CPS1: variants seen among roughly 807,000 people sequenced by gnomAD.
CPS1 encodes the protein carbamoyl-phosphate synthase [ammonia], mitochondrial.
Under a neutral mutation model 174.6 loss-of-function variants are expected in CPS1, and 109 were observed. The observed-to-expected ratio is 0.62, with a 90% confidence interval of 0.53 to 0.73. CPS1 has a LOEUF of 0.73. CPS1 is among the 30% of genes least tolerant of loss of function. The pLI is 0.00. For synonymous variants in CPS1, 637 were observed against 632.0 expected (o/e 1.01, Z -0.12); for missense variants, 1,689 against 1,821.9 (o/e 0.93, Z 1.33).
chr2:210,605,271 A>G (rs369636138), intron 17 of CPS1, 25 bp downstream of exon 17: 21 of 1,610,906 alleles, frequency 1.3e-5, no homozygotes, highest in Non-Finnish European at 1.8e-5. Context: ...TTCAAGAACT[A>G]TAGTAATGCT....
At chr2:210,482,249 G>A (rs1441519213) in intron 1 of CPS1, among the ~76,000 whole-genome samples, 3 of 151,948 alleles carry the variant, frequency 2.0e-5, no homozygotes, top group Non-Finnish European at 4.4e-5. Flanking sequence ...GGAGGTTTGG[G>A]TTGAATCTGC....
chr2:210,573,264 T>G, intron 1 of CPS1, 34 bp from the exon 2 acceptor site: 8 of 1,536,636 alleles, frequency 5.2e-6, no homozygotes, highest in African/African-American at 1.4e-5. Context: ...TTGTATTATG[T>G]ATTCTGCTAA....
At chr2:210,483,003 A>T (rs79797273) in intron 1 of CPS1, among the ~76,000 whole-genome samples, 1 of 152,226 alleles carries the variant, frequency 6.6e-6, no homozygotes, top group Admixed American at 6.5e-5. Context: ...AAACTTAAAC[A>T]TATTTTGCGC....
chr2:210,665,675 A>G (rs903158991), intron 33 of CPS1, among the ~76,000 whole-genome samples: 1 of 151,662 alleles, frequency 6.6e-6, no homozygotes, highest in Non-Finnish European at 1.5e-5. Flanking sequence ...TTATGGCTGC[A>G]TAGTATTCCA....
Position 210,677,025 on chromosome 2 carries a change from C to G in CPS1, c.4293C>G (p.Ser1431Arg). 6.2e-7 allele frequency: 1 copy of G among 1,613,526 alleles called. No homozygotes were observed. Among genetic ancestry groups the G allele is most frequent in the East Asian group, 2.2e-5 (1 of 44,856 alleles). ...SSIRKLIRDG[S>R]IDLVINLPNN... ...TTTCCAGATTGATTAGAGATGGCAG[C>G]ATTGACCTAGTGATTAACCTTCCCA... is the stretch of plus-strand genomic sequence containing the variant. The change falls in exon 37 of 38, where the codon AGC becomes AGG. Residue 1431 changes from serine (S) to arginine (R), a missense_variant. Physicochemically the swap from Ser to Arg is moderately radical, Grantham distance 110 (BLOSUM62 -1). Coordinates refer to ENST00000233072, the MANE Select transcript of CPS1 (RefSeq NM_001875.5).
chr2:210,492,150 T>A (rs2105952532), intron 1 of CPS1, among the ~76,000 whole-genome samples: 1 of 152,348 alleles, frequency 6.6e-6, no homozygotes, highest in South Asian at 2.1e-4. Context: ...CATGTTATCA[T>A]TATATAACAT....
intron 4 of CPS1, among the ~76,000 whole-genome samples, chr2:210,578,012 A>G (rs966525022): frequency 6.6e-6 from 1 of 152,194 alleles, no homozygotes; most frequent in Non-Finnish European, 1.5e-5. Context: ...GGGCTTCAAC[A>G]TTATGACATG....
intron 1 of CPS1, among the ~76,000 whole-genome samples, chr2:210,491,969 C>T (rs1275298079): frequency 6.6e-6 from 1 of 152,170 alleles, no homozygotes; most frequent in Non-Finnish European, 1.5e-5. Context: ...TTATGAGCCA[C>T]TGACAGCAAC....
chr2:210,592,470 T>C (rs1214721602), intron 10 of CPS1, among the ~76,000 whole-genome samples: 1 of 152,020 alleles, frequency 6.6e-6, no homozygotes, highest in African/African-American at 2.4e-5. Context: ...GAGCCCCATC[T>C]GGGTGGGTCT....
intron 1 of CPS1, among the ~76,000 whole-genome samples, chr2:210,548,268 G>A (rs1024796593): frequency 6.6e-6 from 1 of 151,748 alleles, no homozygotes; most frequent in Non-Finnish European, 1.5e-5. Context: ...GCTTGACCTC[G>A]ACTTCTAACA....
chr2:210,606,994 G>T, intron 18 of CPS1, 53 bp downstream of exon 18: 1 of 1,532,242 alleles, frequency 6.5e-7, no homozygotes, highest in Non-Finnish European at 9.0e-7. Flanking sequence ...AGATAGAAAT[G>T]AAAAATTGAC....
At chr2:210,585,641 C>T (rs565639456) in intron 6 of CPS1, among the ~76,000 whole-genome samples, 6 of 152,070 alleles carry the variant, frequency 3.9e-5, no homozygotes, top group African/African-American at 1.4e-4. Context: ...TCATCCCATA[C>T]TGCCTTTCAA....
intron 1 of CPS1, among the ~76,000 whole-genome samples, chr2:210,502,575 T>G (rs1432725498): frequency 1.3e-5 from 2 of 151,492 alleles, no homozygotes; most frequent in Non-Finnish European, 2.9e-5. Context: ...TAAATGCTGC[T>G]TGCATATGTT....
At chr2:210,633,065 A>T (rs1221582374) in intron 21 of CPS1, among the ~76,000 whole-genome samples, 1 of 152,208 alleles carries the variant, frequency 6.6e-6, no homozygotes, top group Non-Finnish European at 1.5e-5. Context: ...ATCTGTTTCA[A>T]AATTCTCACC....
chr2:210,554,110 T>C (rs1455598732), upstream of CPS1, among the ~76,000 whole-genome samples: 2 of 146,292 alleles, frequency 1.4e-5, no homozygotes, highest in African/African-American at 2.5e-5. Context: ...TATACACATA[T>C]ATATATGTAT....
chr2:210,678,345 G>A lies in CPS1; in HGVS notation c.*360G>A, dbSNP rs922081134. ...TTTCTGAACTCTTTCTATACTTTAA[G>A]ATACTCTATTTTTAAAACACTATCT... On this transcript the variant is annotated 3_prime_UTR_variant, in exon 38 of 38. Transcript: ENST00000233072. 4 of 311,642 alleles carry A rather than the reference G, an allele frequency of 1.3e-5. No individual in the cohort carries two copies. Among genetic ancestry groups the A allele is most frequent in the Non-Finnish European group, 2.5e-5 (4 of 162,642 alleles). The allele number at this position is 311,642 out of a possible 1,614,324, so 19.3% of individuals were successfully genotyped here.
chr2:210,524,270 T>C (rs1483063976), intron 1 of CPS1, among the ~76,000 whole-genome samples: 1 of 152,026 alleles, frequency 6.6e-6, no homozygotes, highest in Admixed American at 6.6e-5. Flanking sequence ...ATTTAATGAC[T>C]GTATATATTT....
chr2:210,521,209 GA>G (rs1299976451), intron 1 of CPS1, among the ~76,000 whole-genome samples: 1 of 151,958 alleles, frequency 6.6e-6, no homozygotes, highest in Non-Finnish European at 1.5e-5. Flanking sequence ...TTTTTTGAAA[GA>G]TTTCCTTGTT....
chr2:210,651,575 G>GCC (rs1700560260), intron 28 of CPS1, among the ~76,000 whole-genome samples: 1 of 152,192 alleles, frequency 6.6e-6, no homozygotes, highest in Non-Finnish European at 1.5e-5. Flanking sequence ...TCTCATGTGA[G>GCC]TGATGAGGCA....
Sources: allele counts gnomAD v4.1 joint callset (sites outside exome capture counted in the v4.1 genomes callset), GRCh38; gene constraint gnomAD v4.1.1; transcripts MANE v1.5; gene names NCBI Gene and HGNC (gene_info 2026-07-23, HGNC 2026-07-21).